The following HS3ST4 variants were observed in gnomAD, a reference collection of about 807,000 sequenced individuals.
The protein encoded by HS3ST4 is heparan sulfate-glucosamine 3-sulfotransferase 4.
Under a neutral mutation model 29.2 loss-of-function variants are expected in HS3ST4, and 17 were observed. The ratio of observed to expected loss-of-function variants is 0.58; its 90% CI spans 0.40 to 0.87. The LOEUF (loss-of-function observed/expected upper bound fraction) is 0.87. HS3ST4 is among the 40% of genes least tolerant of loss of function. HS3ST4 has a pLI of 0.00. For synonymous variants in HS3ST4, 314 were observed against 285.7 expected, an observed-to-expected ratio of 1.10 and a Z score of -1.00; for missense variants, 627 against 634.5, an observed-to-expected ratio of 0.99 and a Z score of 0.13.
intron 1 of HS3ST4, among the ~76,000 whole-genome samples, chr16:26,084,139 C>T (rs1898757047): frequency 1.3e-5 from 2 of 152,142 alleles, no homozygotes; most frequent in South Asian, 4.1e-4. Context: ...TGGCCAGGTC[C>T]CCATGGGCTC....
intron 1 of HS3ST4, among the ~76,000 whole-genome samples, chr16:25,849,562 T>TC (rs1364509630): frequency 5.9e-5 from 9 of 152,216 alleles, no homozygotes; most frequent in Non-Finnish European, 8.8e-5. Context: ...ACCTAGGCAG[T>TC]CATGGCTCAC....
At chr16:25,857,759 C>T (rs962118627) in intron 1 of HS3ST4, among the ~76,000 whole-genome samples, 54 of 152,078 alleles carry the variant, frequency 3.6e-4, no homozygotes, top group African/African-American at 1.3e-3. Flanking sequence ...CACACATATA[C>T]GTGCATACTC....
intron 1 of HS3ST4, 90 bp from the exon 2 acceptor site, chr16:26,135,522 A>T: frequency 1.6e-6 from 2 of 1,270,154 alleles, no homozygotes; most frequent in Non-Finnish European, 2.1e-6. Context: ...GTTCCAAACT[A>T]GGTTGTTTAT....
At chr16:25,953,996 A>G (rs1345940634) in intron 1 of HS3ST4, among the ~76,000 whole-genome samples, 1 of 152,162 alleles carries the variant, frequency 6.6e-6, no homozygotes, top group Non-Finnish European at 1.5e-5. Flanking sequence ...CTCAGCAGAG[A>G]AAGGGGAAGA....
intron 1 of HS3ST4, among the ~76,000 whole-genome samples, chr16:25,782,554 C>T (rs1966853606): frequency 6.6e-6 from 1 of 152,168 alleles, no homozygotes; most frequent in South Asian, 2.1e-4. Context: ...GATCAGGTTG[C>T]ACTGGATACC....
chr16:25,724,297 A>G (rs114781927), intron 1 of HS3ST4, among the ~76,000 whole-genome samples: 6,749 of 152,072 alleles, frequency 0.044, 504 homozygotes, highest in African/African-American at 0.15. Flanking sequence ...TACCTGCCAC[A>G]CTGGGGCGAA....
chr16:25,888,879 G>A (rs1967980549), intron 1 of HS3ST4, among the ~76,000 whole-genome samples: 1 of 152,184 alleles, frequency 6.6e-6, no homozygotes, highest in Admixed American at 6.5e-5. Context: ...GGCCTATTAT[G>A]AAATTAGCAC....
At chr16:25,783,313 T>G (rs1966854328) in intron 1 of HS3ST4, among the ~76,000 whole-genome samples, 1 of 152,218 alleles carries the variant, frequency 6.6e-6, no homozygotes, top group African/African-American at 2.4e-5. Context: ...CATTTTTAAA[T>G]GTACTGCTGA....
At chr16:25,726,702 G>A (rs1220126074) in intron 1 of HS3ST4, among the ~76,000 whole-genome samples, 1 of 152,216 alleles carries the variant, frequency 6.6e-6, no homozygotes, top group East Asian at 1.9e-4. Flanking sequence ...AGTCACAGAT[G>A]AAATTCGTGG....
At chr16:25,940,068 CGGA>C (rs1320661881) in intron 1 of HS3ST4, among the ~76,000 whole-genome samples, 1 of 152,100 alleles carries the variant, frequency 6.6e-6, no homozygotes, top group Non-Finnish European at 1.5e-5. Context: ...AAGCAGACCT[CGGA>C]GGAGGTCAGA....
At chr16:25,737,707 C>T (rs1471594626) in intron 1 of HS3ST4, among the ~76,000 whole-genome samples, 1 of 152,112 alleles carries the variant, frequency 6.6e-6, no homozygotes, top group Non-Finnish European at 1.5e-5. Flanking sequence ...TCATGTAACA[C>T]AACTGTACTT....
intron 1 of HS3ST4, among the ~76,000 whole-genome samples, chr16:25,791,627 C>G (rs1041724941): frequency 2.6e-5 from 4 of 151,916 alleles, no homozygotes; most frequent in Admixed American, 2.0e-4. Flanking sequence ...TTTTATGTAT[C>G]TTTTCTTAGA....
intron 1 of HS3ST4, among the ~76,000 whole-genome samples, chr16:26,012,162 C>T (rs1567293278): frequency 2.0e-5 from 3 of 152,148 alleles, no homozygotes; most frequent in Non-Finnish European, 2.9e-5. Context: ...GGTTTGCAGG[C>T]GATCCTGTTT....
At chr16:25,994,682 C>G (rs1453464414) in intron 1 of HS3ST4, among the ~76,000 whole-genome samples, 1 of 152,002 alleles carries the variant, frequency 6.6e-6, no homozygotes, top group Admixed American at 6.6e-5. Context: ...ACCAAAATAC[C>G]TTGGCAACAT....
chr16:25,846,370 C>CA (rs1967465949), intron 1 of HS3ST4, among the ~76,000 whole-genome samples: 1 of 151,942 alleles, frequency 6.6e-6, no homozygotes, highest in African/African-American at 2.4e-5. Flanking sequence ...CCTGTCTCTA[C>CA]AAAAAATAAA....
chr16:25,973,745 G>A (rs1485302759), intron 1 of HS3ST4, among the ~76,000 whole-genome samples: 1 of 152,078 alleles, frequency 6.6e-6, no homozygotes, highest in Non-Finnish European at 1.5e-5. Context: ...TATTAATTCG[G>A]GACTTTTAAA....
chr16:25,949,228 TTTAAG>T (rs1390954003), intron 1 of HS3ST4, among the ~76,000 whole-genome samples: 3 of 152,160 alleles, frequency 2.0e-5, no homozygotes, highest in Non-Finnish European at 4.4e-5. Context: ...AGTTACACTC[TTTAAG>T]TTATTTTAAA....
intron 1 of HS3ST4, among the ~76,000 whole-genome samples, chr16:26,047,786 TG>T (rs1305668787): frequency 6.6e-6 from 1 of 152,330 alleles, no homozygotes; most frequent in East Asian, 1.9e-4. Context: ...AACTGGACCT[TG>T]GACTCAAGAA....
intron 1 of HS3ST4, among the ~76,000 whole-genome samples, chr16:25,942,915 C>G (rs1567277667): frequency 6.6e-6 from 1 of 152,180 alleles, no homozygotes; most frequent in Non-Finnish European, 1.5e-5. Context: ...AGCCACCATG[C>G]CCGGCCTGCC....
Sources: gnomAD v4.1 joint callset for allele counts (sites outside exome capture counted in the v4.1 genomes callset) on GRCh38, gnomAD v4.1.1 for gene constraint, MANE v1.5 for transcripts, NCBI Gene and HGNC (gene_info 2026-07-23, HGNC 2026-07-21) for gene names.